F8: variants seen among roughly 807,000 people sequenced by gnomAD.
F8 encodes the protein coagulation factor VIII.
F8 carries 12 observed loss-of-function variants against 140.6 expected under a neutral mutation model. That is an observed-to-expected ratio of 0.09 (90% confidence interval 0.05 to 0.14). The LOEUF is 0.14. F8 is among the 10% of genes least tolerant of loss of function. The pLI is 1.00. For missense variants in F8, 1,354 were observed against 1,720.7 expected (o/e 0.79, Z 3.77); for synonymous variants, 585 against 614.6 (o/e 0.95, Z 0.71).
intron 6 of F8, among the ~76,000 whole-genome samples, chrX:154,972,703 C>CT (rs1557282690): frequency 3.9e-4 from 25 of 64,660 alleles, no homozygotes; most frequent in African/African-American, 1.3e-3. Context: ...TTCTTTCTGT[C>CT]TTTCTTTTTT....
At chrX:154,938,884 A>AATAT (rs34552198) in intron 13 of F8, among the ~76,000 whole-genome samples, 298 of 104,843 alleles carry the variant, frequency 2.8e-3, no homozygotes, top group African/African-American at 8.7e-3. Context: ...GAAAGGTGTA[A>AATAT]ATATATATAT....
chrX:155,010,163 T>G (rs1421394873), intron 1 of F8, among the ~76,000 whole-genome samples: 3 of 112,487 alleles, frequency 2.7e-5, no homozygotes, highest in Middle Eastern at 4.6e-3. Flanking sequence ...CCTGTCTCAC[T>G]TTCAGGCAAA....
intron 25 of F8, among the ~76,000 whole-genome samples, chrX:154,841,170 T>C (rs2148557291): frequency 9.1e-6 from 1 of 109,859 alleles, no homozygotes; most frequent in East Asian, 2.8e-4. Context: ...TTCACTTTTG[T>C]TTTTATAGGA....
At position 154,869,613 on chromosome X, in the gene F8, C is replaced by A. The variant is rs1042687570; in HGVS notation, c.6430-6386G>T. 1.1e-4 allele frequency among the ~76,000 whole-genome samples: 12 copies of A among 111,146 alleles called. No individual in the cohort carries two copies. In the Admixed American group the frequency reaches 1.2e-3, roughly 11 times the overall value. ...AAGCAAGAAAAATTGAAAATTGACA[C>A]CCTAACATCAAAATTAAAGAATTAG... On this transcript the variant is annotated intron_variant, in intron 22 of 25. Coordinates refer to ENST00000360256, the MANE Select transcript of F8 (RefSeq NM_000132.4).
intron 12 of F8, among the ~76,000 whole-genome samples, chrX:154,952,531 A>G (rs1557280806): frequency 9.3e-6 from 1 of 107,533 alleles, no homozygotes; most frequent in Admixed American, 9.9e-5. Flanking sequence ...GTTCCCATGC[A>G]TTTCGTTCAG....
intron 11 of F8, among the ~76,000 whole-genome samples, chrX:154,954,874 T>G (rs2073355528): frequency 1.8e-5 from 2 of 111,704 alleles, no homozygotes; most frequent in Admixed American, 1.9e-4. Flanking sequence ...TGCCATGTGT[T>G]TTATTGGCAC....
chrX:154,925,527 G>A (rs1389180007), intron 14 of F8, among the ~76,000 whole-genome samples: 1 of 112,501 alleles, frequency 8.9e-6, no homozygotes, highest in Non-Finnish European at 1.9e-5. Flanking sequence ...AAAGCCACAG[G>A]GGTGGAGCTG....
chrX:154,905,169 T>G (rs782291285), intron 15 of F8, 146 bp from the exon 16 acceptor site: 16 of 482,933 alleles, frequency 3.3e-5, no homozygotes, highest in Admixed American at 7.3e-5. Flanking sequence ...GTACAGAAGA[T>G]GGATGCTGTT....
intron 4 of F8, among the ~76,000 whole-genome samples, chrX:154,992,110 A>T: frequency 8.9e-6 from 1 of 112,106 alleles, no homozygotes; most frequent in Non-Finnish European, 1.9e-5. Flanking sequence ...ACATGTGAAT[A>T]AAGTCACCTT....
At chrX:154,893,268 C>T (rs1001436884) in intron 22 of F8, among the ~76,000 whole-genome samples, 2 of 112,406 alleles carry the variant, frequency 1.8e-5, no homozygotes, top group Non-Finnish European at 1.9e-5. Context: ...AGCCAGACCA[C>T]CTTGAGCACA....
At chrX:154,970,364 C>A (rs2124111144) in intron 6 of F8, among the ~76,000 whole-genome samples, 1 of 111,874 alleles carries the variant, frequency 8.9e-6, no homozygotes, top group South Asian at 3.7e-4. Flanking sequence ...ACAACAAGGG[C>A]ACAGCTGCCT....
chrX:154,848,988 C>T (rs1218051524), intron 25 of F8, among the ~76,000 whole-genome samples: 1 of 111,640 alleles, frequency 9.0e-6, no homozygotes, highest in East Asian at 2.8e-4. Flanking sequence ...TAAGATCAAA[C>T]TTGTGAATCA....
chrX:154,854,531 C>G (rs949076689), intron 25 of F8, among the ~76,000 whole-genome samples: 1 of 110,628 alleles, frequency 9.0e-6, no homozygotes, highest in Non-Finnish European at 1.9e-5. Flanking sequence ...CTCTAGGCTG[C>G]CAACTCACCC....
intron 6 of F8, among the ~76,000 whole-genome samples, chrX:154,981,308 T>C (rs1180063424): frequency 9.0e-6 from 1 of 110,530 alleles, no homozygotes; most frequent in Non-Finnish European, 1.9e-5. Context: ...ATTTCACGCA[T>C]CGAGTTGTTA....
chrX:154,996,923 C>T, intron 3 of F8, 50 bp downstream of exon 3: 1 of 1,194,328 alleles, frequency 8.4e-7, no homozygotes. Flanking sequence ...ACACACATCT[C>T]ACTGTTCTAT....
intron 13 of F8, among the ~76,000 whole-genome samples, chrX:154,932,049 A>C (rs1250813501): frequency 1.8e-5 from 2 of 112,522 alleles, no homozygotes; most frequent in South Asian, 3.7e-4. Context: ...GCTATATCAC[A>C]TAGTGGCACA....
intron 1 of F8, among the ~76,000 whole-genome samples, chrX:155,014,454 T>A (rs376304597): frequency 3.6e-5 from 4 of 109,605 alleles, no homozygotes; most frequent in African/African-American, 9.9e-5. Context: ...AAAAAAAAAA[T>A]AAAAAGCATC....
In F8 at chrX:154,928,933, G is replaced by C. The variant is rs1557278323; in HGVS notation, c.4857C>G (p.Ser1619=). ...TAFKKKDTIL[S]LNACESNHAI... ...CATGATTGCTTTCACAAGCGTTCAG[G>C]GACAAAATGGTATCCTTTTTCTTAA... The change falls in exon 14 of 26, where the codon TCC becomes TCG. Residue 1619 remains serine (S), a synonymous_variant. Coordinates refer to ENST00000360256, the MANE Select transcript of F8 (RefSeq NM_000132.4). The C allele has an allele frequency of 8.3e-7, 1 of 1,209,542 alleles. No homozygotes were observed. The highest frequency in any genetic ancestry group is 1.8e-5 in the African/African-American group (1 of 57,017).
At chrX:154,931,805 G>A (rs1034468691) in intron 13 of F8, 129 bp from the exon 14 acceptor site, 8 of 566,744 alleles carry the variant, frequency 1.4e-5, no homozygotes, top group Middle Eastern at 5.3e-4. Context: ...ACAGGTCATT[G>A]GGTTAAATCC....
Sources: gnomAD v4.1 joint callset for allele counts (sites outside exome capture counted in the v4.1 genomes callset) on GRCh38, gnomAD v4.1.1 for gene constraint, MANE v1.5 for transcripts, NCBI Gene and HGNC (gene_info 2026-07-23, HGNC 2026-07-21) for gene names.